MDN1: variants seen among roughly 807,000 people sequenced by gnomAD.
MDN1 encodes the protein midasin.
Under a neutral mutation model 669.2 loss-of-function variants are expected in MDN1, and 266 were observed. The ratio of observed to expected loss-of-function variants is 0.40; its 90% confidence interval spans 0.36 to 0.44. The LOEUF is 0.44. Ranked by LOEUF, MDN1 falls within the 20% of genes least tolerant of loss-of-function variation. The pLI is 1.00. For synonymous variants in MDN1, 2,385 were observed against 2,457.1 expected, an observed-to-expected ratio of 0.97 and a Z score of 0.87; for missense variants, 5,940 against 6,754.0, an observed-to-expected ratio of 0.88 and a Z score of 4.22.
chr6:89,717,854 C>T (rs1814506354), intron 43 of MDN1, among the ~76,000 whole-genome samples: 1 of 152,154 alleles, frequency 6.6e-6, no homozygotes, highest in African/African-American at 2.4e-5. Context: ...GTGACAGACC[C>T]AGCCTGTGGG....
intron 40 of MDN1, among the ~76,000 whole-genome samples, chr6:89,720,739 T>C (rs1002867873): frequency 2.0e-5 from 3 of 152,210 alleles, no homozygotes; most frequent in Non-Finnish European, 4.4e-5. Context: ...AATAAAGCTG[T>C]TAAAAACTAC....
chr6:89,729,172 C>T (rs770643371), intron 35 of MDN1, 33 bp from the exon 36 acceptor site: 22 of 1,555,604 alleles, frequency 1.4e-5, no homozygotes, highest in Middle Eastern at 2.1e-4. Context: ...CATGTATAAG[C>T]GGGACATCAT....
chr6:89,719,689 T>G (rs932551053), intron 40 of MDN1, among the ~76,000 whole-genome samples: 2 of 152,240 alleles, frequency 1.3e-5, no homozygotes, highest in Admixed American at 1.3e-4. Context: ...TTTATACCCA[T>G]GCAAAATAGT....
Position 89,734,451 on chromosome 6 carries a change from C to T in MDN1, c.4724-1676G>A, listed in dbSNP as rs575468930. On this transcript the variant is annotated intron_variant, in intron 33 of 101. Coordinates refer to ENST00000369393, the MANE Select transcript of MDN1 (RefSeq NM_014611.3). ...ATGGCTCCTATCTATAATCCCAGTTCAGACCAGCCTGGCCAATATGGCAAA... is the reference window on the plus strand; with the variant it reads ...ATGGCTCCTATCTATAATCCCAGTTTAGACCAGCCTGGCCAATATGGCAAA... 5.6e-4 allele frequency among the ~76,000 whole-genome samples: 85 copies of T among 151,956 alleles called. 1 individual carries two copies. The highest frequency in any genetic ancestry group is 2.0e-3 in the African/African-American group (81 of 41,432).
chr6:89,700,581 T>C (rs1335225262), intron 56 of MDN1, 65 bp downstream of exon 56: 8 of 1,521,344 alleles, frequency 5.3e-6, no homozygotes, highest in Admixed American at 1.8e-5. Flanking sequence ...GGAAAACTTA[T>C]TAACTACCAG....
In MDN1 at chr6:89,676,142, C is replaced by T. The variant is rs752877997; in HGVS notation, c.12605G>A (p.Arg4202Gln). The T allele has an allele frequency of 6.8e-6, 11 of 1,614,180 alleles. No homozygotes were observed. The highest frequency in any genetic ancestry group is 3.3e-4 in the Middle Eastern group (2 of 6,062). Residue 4202 changes from arginine (R) to glutamine (Q), a missense_variant, in exon 77 of 102, where the codon CGG becomes CAG. Coordinates refer to ENST00000369393, the MANE Select transcript of MDN1 (RefSeq NM_014611.3). ...CQKYFYRSLA[R>Q]HARLNAALAT... ...TAGTGCTGCGTTAAGCCTGGCATGC[C>T]GTGCAAGAGAGCGATAAAAATACTT... is the stretch of plus-strand genomic sequence containing the variant.
chr6:89,680,764 A>G lies in MDN1; in HGVS notation c.12103-13T>C. Reference sequence around the variant, plus strand: ...CTGGAATTGTGGCCTGTGAGACAAAAGACAGGTTAGCCTCACTGCCAAGAA... The same window carrying G: ...CTGGAATTGTGGCCTGTGAGACAAAGGACAGGTTAGCCTCACTGCCAAGAA... On this transcript the variant is annotated splice_polypyrimidine_tract_variant and intron_variant, in intron 73 of 101. Coordinates refer to ENST00000369393, the MANE Select transcript of MDN1 (RefSeq NM_014611.3). 6.2e-7 allele frequency: 1 copy of G among 1,612,510 alleles called. No homozygotes were observed. Among genetic ancestry groups the G allele is most frequent in the South Asian group, 1.1e-5 (1 of 90,828 alleles).
chr6:89,737,496 A>T (rs1399402283), intron 33 of MDN1, among the ~76,000 whole-genome samples: 4 of 152,164 alleles, frequency 2.6e-5, no homozygotes, highest in Non-Finnish European at 5.9e-5. Context: ...TGTCTAAGAT[A>T]AATATGCATA....
intron 72 of MDN1, 72 bp downstream of exon 72, chr6:89,683,757 CTA>C (rs1811807486): frequency 9.3e-7 from 1 of 1,073,468 alleles, no homozygotes; most frequent in African/African-American, 1.6e-5. Context: ...GTTATGGTAA[CTA>C]TGTCGTTTTG....
At chr6:89,715,620 A>T (rs1325422781) in intron 45 of MDN1, 33 bp downstream of exon 45, 1 of 1,362,246 alleles carries the variant, frequency 7.3e-7, no homozygotes, top group Non-Finnish European at 1.1e-6. Context: ...AGGCTGTCAG[A>T]TTCTGAGGCA....
At chr6:89,722,065 C>T (rs1188653143) in intron 40 of MDN1, among the ~76,000 whole-genome samples, 1 of 152,188 alleles carries the variant, frequency 6.6e-6, no homozygotes, top group Non-Finnish European at 1.5e-5. Flanking sequence ...GGATCTTCAC[C>T]TGTAAGATGC....
chr6:89,777,179 A>C (rs1332108269), intron 11 of MDN1, among the ~76,000 whole-genome samples: 2 of 152,244 alleles, frequency 1.3e-5, no homozygotes, highest in Non-Finnish European at 2.9e-5. Flanking sequence ...ATGTGATGAA[A>C]TATAAAATAC....
At chr6:89,647,909 C>T (rs1033373836) in intron 99 of MDN1, 123 bp downstream of exon 99, 13 of 725,568 alleles carry the variant, frequency 1.8e-5, no homozygotes, top group East Asian at 2.7e-5. Flanking sequence ...GCTATGATGG[C>T]GCCATTGTAC....
intron 15 of MDN1, among the ~76,000 whole-genome samples, chr6:89,763,629 G>T (rs1247423719): frequency 6.6e-6 from 1 of 152,132 alleles, no homozygotes; most frequent in Non-Finnish European, 1.5e-5. Flanking sequence ...AATTCAGGAA[G>T]AATGAGATAA....
intron 9 of MDN1, among the ~76,000 whole-genome samples, chr6:89,782,614 A>G (rs921518663): frequency 1.0e-5 from 1 of 99,218 alleles, no homozygotes; most frequent in African/African-American, 3.9e-5. Context: ...AAATAATAAT[A>G]ATAATAATAA....
rs750299431 is a variant in MDN1, at chr6:89,712,094, A to G, written c.7593T>C (p.Asp2531=). Residue 2531 remains aspartate (D), a synonymous_variant, in exon 49 of 102, where the codon GAT becomes GAC. Coordinates refer to ENST00000369393, the MANE Select transcript of MDN1 (RefSeq NM_014611.3). Reference sequence around the variant, plus strand: ...AAAGCCATTTAACTCTGAGCATCCAATCCTGATTGGTTGCTCTTTCTATGA... The same window carrying G: ...AAAGCCATTTAACTCTGAGCATCCAGTCCTGATTGGTTGCTCTTTCTATGA... ...KLLIERATNQ[D]WMLRVKWLYH... 3.7e-6 allele frequency: 6 copies of G among 1,614,138 alleles called. No individual in the cohort carries two copies. The highest frequency in any genetic ancestry group is 5.1e-6 in the Non-Finnish European group (6 of 1,179,988).
In MDN1 at chr6:89,700,241, G is replaced by C; in HGVS notation, c.8692C>G (p.Leu2898Val). The change falls in exon 57 of 102, where the codon CTC (leucine) becomes GTC (valine). Residue 2898 changes from leucine (L) to valine (V), a missense_variant. By Grantham distance (32) the Leu-to-Val change is conservative. Around this residue, in one of 5 missense-constraint regions of MDN1, gnomAD observed 2,292 missense variants for 2,638.3 expected, o/e 0.87. Coordinates refer to ENST00000369393, the MANE Select transcript of MDN1 (RefSeq NM_014611.3). ...TTTTTCTCCAGAAAACCAAGTGAGA[G>C]TCCTTTGGCTTTCAGTTCTAAACAC... ...AQCLELKAKG[L>V]SLGFLEKKHD... 1 of 1,614,176 alleles carries C rather than the reference G, an allele frequency of 6.2e-7. No homozygotes were observed. The highest frequency in any genetic ancestry group is 8.5e-7 in the Non-Finnish European group (1 of 1,180,026).
chr6:89,718,760 T>G lies in MDN1; in HGVS notation c.6321+7A>C, dbSNP rs1377395934. 1 of 1,612,740 alleles carries G rather than the reference T, an allele frequency of 6.2e-7. No homozygotes were observed. Among genetic ancestry groups the G allele is most frequent in the Non-Finnish European group, 8.5e-7 (1 of 1,178,940 alleles). On this transcript the variant is annotated splice_region_variant and intron_variant, in intron 42 of 101. Transcript: ENST00000369393. ...TTTGCCAGAAAATATGAAGGCAGAC[T>G]GGTTACCTGCTCAAATCCACCCAGC...
chr6:89,819,418 G>A, intron 1 of MDN1, 88 bp downstream of exon 1: 1 of 1,264,630 alleles, frequency 7.9e-7, no homozygotes, highest in Non-Finnish European at 1.1e-6. Context: ...CCCACTTAAA[G>A]CGGCGAGTAT....
Sources: allele counts gnomAD v4.1 joint callset (sites outside exome capture counted in the v4.1 genomes callset), GRCh38; gene constraint gnomAD v4.1.1; regional missense constraint gnomAD v4.1.1; transcripts MANE v1.5; gene names NCBI Gene and HGNC (gene_info 2026-07-23, HGNC 2026-07-21).